Variants in LAPTM5 observed in about 807,000 individuals in gnomAD.
LAPTM5 encodes lysosomal-associated transmembrane protein 5.
Under a neutral mutation model 30.1 loss-of-function variants are expected in LAPTM5, and 11 were observed. The ratio of observed to expected loss-of-function variants is 0.37; its 90% CI spans 0.23 to 0.60. The LOEUF is 0.60. Among genes scored for constraint, LAPTM5 ranks in the 20% least tolerant of loss-of-function variants. LAPTM5 has a pLI of 0.71. For missense variants in LAPTM5, 324 were observed against 332.5 expected (o/e 0.97, Z 0.20); for synonymous variants, 151 against 137.9 (o/e 1.10, Z -0.67).
chr1:30,746,674 T>C lies in LAPTM5; in HGVS notation c.88-4125A>G, dbSNP rs554511678. Among the ~76,000 whole-genome samples the C allele has an allele frequency of 2.3e-3, 345 of 152,258 alleles. 2 individuals carry two copies. Among genetic ancestry groups the C allele is most frequent in the African/African-American group, 7.5e-3 (311 of 41,560 alleles). ...TTTCACCCACTGTCCCTTCATTCTA[T>C]GCTGGTGAGATCATGAAGATAAGAG... On this transcript the variant is annotated intron_variant, in intron 1 of 7. Coordinates refer to ENST00000294507, the MANE Select transcript of LAPTM5 (RefSeq NM_006762.3). This position sits in a 1 kb window ranked among gnomAD's most constrained non-coding sequence, Gnocchi z 4.0.
At chr1:30,755,935 T>C (rs1237713694) in intron 1 of LAPTM5, among the ~76,000 whole-genome samples, 2 of 152,066 alleles carry the variant, frequency 1.3e-5, no homozygotes, top group African/African-American at 4.8e-5. Context: ...GCTCCCGGGG[T>C]CACCGCAGGC....
chr1:30,754,123 C>T (rs1640176883), intron 1 of LAPTM5, among the ~76,000 whole-genome samples: 1 of 152,162 alleles, frequency 6.6e-6, no homozygotes, highest in African/African-American at 2.4e-5. Context: ...GAAGAGGGGT[C>T]AGGAAGAAAG....
At chr1:30,745,772 T>G (rs1361619510) in intron 1 of LAPTM5, 1 of 152,268 alleles carries the variant, frequency 6.6e-6, no homozygotes, top group Non-Finnish European at 1.5e-5. Context: ...GGACATAGGA[T>G]GGAGAGGAAC....
intron 1 of LAPTM5, among the ~76,000 whole-genome samples, chr1:30,747,723 A>T (rs1640068774): frequency 6.6e-6 from 1 of 152,194 alleles, no homozygotes; most frequent in Non-Finnish European, 1.5e-5. Context: ...GAAGATGGGG[A>T]CAATGGGGTC....
intron 7 of LAPTM5, 47 bp downstream of exon 7, chr1:30,735,126 A>G: frequency 7.3e-7 from 1 of 1,370,686 alleles, no homozygotes; most frequent in Non-Finnish European, 1.0e-6. Flanking sequence ...CCCAAATGGC[A>G]CAGGGAGTTA....
Position 30,737,671 on chromosome 1 carries a change from G to A in LAPTM5, c.539C>T (p.Pro180Leu), listed in dbSNP as rs372654193. Reference sequence around the variant, plus strand: ...CATCATCTTGATGAACTGGTTATGAGGCATATCCTCCTGGCTGGGGAGGTA... The same window carrying A: ...CATCATCTTGATGAACTGGTTATGAAGCATATCCTCCTGGCTGGGGAGGTA... ...MNYLPSQEDM[P>L]HNQFIKMMII... is the part of the protein sequence containing the mutation. Residue 180 changes from proline to leucine, a missense_variant, in exon 6 of 8, where the codon CCT (proline) becomes CTT (leucine). Physicochemically the swap from Pro to Leu is moderately conservative, Grantham distance 98. Coordinates refer to ENST00000294507, the MANE Select transcript of LAPTM5 (RefSeq NM_006762.3). 1.9e-6 allele frequency: 3 copies of A among 1,613,342 alleles called. No homozygotes were observed. Among genetic ancestry groups the A allele is most frequent in the Non-Finnish European group, 1.7e-6 (2 of 1,179,436 alleles).
At chr1:30,752,897 C>G (rs1212258215) in intron 1 of LAPTM5, among the ~76,000 whole-genome samples, 1 of 152,176 alleles carries the variant, frequency 6.6e-6, no homozygotes, top group Non-Finnish European at 1.5e-5. Context: ...ACCTCCACCT[C>G]CCAGGTTCAA....
At chr1:30,738,915 G>A (rs771874650) in intron 5 of LAPTM5, 25 bp downstream of exon 5, 2 of 1,586,512 alleles carry the variant, frequency 1.3e-6, no homozygotes, top group South Asian at 1.1e-5. Flanking sequence ...CAGCAAATGG[G>A]CATGGTTCCC....
At chr1:30,755,588 C>T (rs983715294) in intron 1 of LAPTM5, among the ~76,000 whole-genome samples, 4 of 152,148 alleles carry the variant, frequency 2.6e-5, no homozygotes, top group African/African-American at 7.2e-5. Context: ...AGGGCCCACA[C>T]ATTCTTCAGC....
intron 2 of LAPTM5, 50 bp from the exon 3 acceptor site, chr1:30,741,766 C>T: frequency 7.1e-7 from 1 of 1,415,566 alleles, no homozygotes; most frequent in South Asian, 1.3e-5. Context: ...CCTGGGACCC[C>T]AGCCAGGCTC....
intron 6 of LAPTM5, among the ~76,000 whole-genome samples, chr1:30,737,119 G>A (rs748754711): frequency 2.0e-5 from 3 of 152,100 alleles, no homozygotes; most frequent in Non-Finnish European, 4.4e-5. Flanking sequence ...CCTATCCTCT[G>A]GGCCTGACCA....
chr1:30,739,042 CA>C lies in LAPTM5; in HGVS notation c.407del (p.Leu136ArgfsTer2). ...AGAAGTCCAGCAGCTGCAGCGTCATCAGGGGGAACTTGGAGGAGCTCTGGGG... is the reference window on the plus strand; with the variant it reads ...AGAAGTCCAGCAGCTGCAGCGTCATCGGGGGAACTTGGAGGAGCTCTGGGG... ...RSRASSSKFPLMTLQLLDFCL... is the reference protein window; with the variant it reads ...RSRASSSKFPXMTLQLLDFCL... On this transcript the variant is annotated frameshift_variant, in exon 5 of 8. Transcript: ENST00000294507. LOFTEE classifies it high-confidence loss of function. The surrounding 1 kb of genome is among the most constrained non-coding windows in gnomAD (Gnocchi z 4.2). The C allele has an allele frequency of 1.9e-6, 3 of 1,600,166 alleles. No individual in the cohort carries two copies. The highest frequency in any genetic ancestry group is 2.6e-6 in the Non-Finnish European group (3 of 1,172,796).
intron 1 of LAPTM5, among the ~76,000 whole-genome samples, chr1:30,749,470 T>C (rs61767295): frequency 0.14 from 20,959 of 152,218 alleles, 1,634 homozygotes; most frequent in Middle Eastern, 0.19. Flanking sequence ...TGCTTTTCTA[T>C]AGGTAAATTA....
rs543621622 is a variant in LAPTM5 at position 30,756,870 on chromosome 1, T to C, written c.87+789A>G. Among the ~76,000 whole-genome samples, 3 of 152,246 alleles carry C rather than the reference T, an allele frequency of 2.0e-5. No homozygotes were observed. In the East Asian group the frequency reaches 5.8e-4, roughly 29 times the overall value. On this transcript the variant is annotated intron_variant, in intron 1 of 7. Coordinates refer to ENST00000294507, the MANE Select transcript of LAPTM5 (RefSeq NM_006762.3). ...CAGGAGTTTGGGAGTAGGGTGGGTC[T>C]AGGCAGGACAGTACAAGGACACTGA...
chr1:30,742,630 G>T (rs1639988132), intron 1 of LAPTM5, 81 bp from the exon 2 acceptor site: 2 of 1,148,646 alleles, frequency 1.7e-6, no homozygotes, highest in Non-Finnish European at 2.5e-6. Context: ...GTGGTGTACA[G>T]CAGGGAAGCC....
At position 30,739,805 on chromosome 1, in the gene LAPTM5, TCA is replaced by T; in HGVS notation, c.387+2_387+3del. ...CCGGTGAGAGGTGGGGGCTGGGTAC[TCA>T]CAGCACGGCTCCGGGAGGCCAACTT... On this transcript the variant is annotated splice_donor_variant and splice_donor_region_variant and intron_variant, in intron 4 of 7. Transcript: ENST00000294507. LOFTEE classifies it high-confidence loss of function. This position sits in a 1 kb window ranked among gnomAD's most constrained non-coding sequence, Gnocchi z 4.2. 6.3e-7 allele frequency: 1 copy of T among 1,593,944 alleles called. No homozygotes were observed. Among genetic ancestry groups the T allele is most frequent in the Non-Finnish European group, 8.5e-7 (1 of 1,169,592 alleles).
Position 30,739,491 on chromosome 1 carries a change from G to T in LAPTM5, c.387+318C>A, listed in dbSNP as rs74063208. ...TACTGGGGGCTGGGGGCTAAAAAGCGCACATGTCCTTTCCTCAGGTGTCAA... is the reference window on the plus strand; with the variant it reads ...TACTGGGGGCTGGGGGCTAAAAAGCTCACATGTCCTTTCCTCAGGTGTCAA... On this transcript the variant is annotated intron_variant, in intron 4 of 7. Transcript: ENST00000294507. The surrounding 1 kb of genome is among the most constrained non-coding windows in gnomAD (Gnocchi z 4.2). 2.0e-5 allele frequency among the ~76,000 whole-genome samples: 3 copies of T among 152,040 alleles called. No individual in the cohort carries two copies. The highest frequency in any genetic ancestry group is 4.4e-5 in the Non-Finnish European group (3 of 68,016).
At chr1:30,752,381 T>G (rs1640149792) in intron 1 of LAPTM5, among the ~76,000 whole-genome samples, 1 of 152,148 alleles carries the variant, frequency 6.6e-6, no homozygotes, top group Non-Finnish European at 1.5e-5. Context: ...GTCCCACCCC[T>G]GGGGACCTCT....
At chr1:30,751,717 T>C (rs2124198484) in intron 1 of LAPTM5, among the ~76,000 whole-genome samples, 1 of 151,782 alleles carries the variant, frequency 6.6e-6, no homozygotes, top group South Asian at 2.1e-4. Context: ...CCAGCCTGGG[T>C]GATAGAGCAA....
Sources: allele counts gnomAD v4.1 joint callset (sites outside exome capture counted in the v4.1 genomes callset), GRCh38; gene constraint gnomAD v4.1.1; non-coding constraint Gnocchi (gnomAD v3.1); transcripts MANE v1.5; gene names NCBI Gene and HGNC (gene_info 2026-07-23, HGNC 2026-07-21).